The following COL4A5 variants were observed in gnomAD, a reference collection of about 807,000 sequenced individuals.
COL4A5 encodes collagen type IV alpha 5 chain.
Under a neutral mutation model 130.2 loss-of-function variants are expected in COL4A5, and 26 were observed. That is an observed-to-expected ratio of 0.20 (90% CI 0.15 to 0.28). The LOEUF (loss-of-function observed/expected upper bound fraction) is 0.28. Among genes scored for constraint, COL4A5 ranks in the 10% least tolerant of loss-of-function variants. The probability of loss-of-function intolerance (pLI) is 1.00; values close to 1 mark genes in which losing one functional copy is unlikely to be tolerated. For synonymous variants in COL4A5, 496 were observed against 439.6 expected (o/e 1.13, Z -1.60); for missense variants, 1,131 against 1,344.3 (o/e 0.84, Z 2.48).
chrX:108,458,591 G>A (rs766460798), intron 1 of COL4A5, among the ~76,000 whole-genome samples: 1 of 111,728 alleles, frequency 9.0e-6, no homozygotes, highest in Non-Finnish European at 1.9e-5. Flanking sequence ...TTTTGAATGG[G>A]ATTGTATTTA....
chrX:108,540,083 A>C (rs1225452978), intron 2 of COL4A5, among the ~76,000 whole-genome samples: 1 of 111,806 alleles, frequency 8.9e-6, no homozygotes, highest in African/African-American at 3.3e-5. Flanking sequence ...TTTAAAAGTG[A>C]CTAAAAAATA....
At chrX:108,469,961 G>A (rs942189645) in intron 1 of COL4A5, among the ~76,000 whole-genome samples, 15 of 111,783 alleles carry the variant, frequency 1.3e-4, no homozygotes, top group African/African-American at 4.9e-4. Flanking sequence ...CAAAAGACTC[G>A]ATTTCACTCA....
intron 38 of COL4A5, among the ~76,000 whole-genome samples, chrX:108,665,817 G>A (rs1414907525): frequency 5.4e-5 from 6 of 112,132 alleles, no homozygotes; most frequent in African/African-American, 1.9e-4. Context: ...TTGGGAGGCC[G>A]AGGTGGGAGG....
At chrX:108,474,800 C>A (rs1023059451) in intron 1 of COL4A5, among the ~76,000 whole-genome samples, 3 of 111,142 alleles carry the variant, frequency 2.7e-5, no homozygotes, top group African/African-American at 9.8e-5. Context: ...AGTTCATTTT[C>A]TTTCTTCTTT....
At chrX:108,668,606 C>A in intron 41 of COL4A5, 102 bp downstream of exon 41, 1 of 611,168 alleles carries the variant, frequency 1.6e-6, no homozygotes, top group Non-Finnish European at 2.3e-6. Context: ...TTTTCCGGTG[C>A]ATTGGAGGAT....
At chrX:108,689,814 A>G in intron 49 of COL4A5, 3 of 754,155 alleles carry the variant, frequency 4.0e-6, no homozygotes, top group Non-Finnish European at 4.7e-6. Flanking sequence ...GAAAAGAAAA[A>G]CATACTGAGA....
intron 40 of COL4A5, among the ~76,000 whole-genome samples, chrX:108,667,800 C>T (rs1054204922): frequency 1.8e-5 from 2 of 109,750 alleles, no homozygotes; most frequent in African/African-American, 6.8e-5. Context: ...TTTAATGTGC[C>T]ACTGTTACAT....
At chrX:108,542,112 T>A (rs1400609601) in intron 2 of COL4A5, among the ~76,000 whole-genome samples, 1 of 112,312 alleles carries the variant, frequency 8.9e-6, no homozygotes, top group Non-Finnish European at 1.9e-5. Flanking sequence ...TTATTTAATT[T>A]TTTTTTATTG....
intron 4 of COL4A5, among the ~76,000 whole-genome samples, chrX:108,567,095 C>T (rs936896109): frequency 9.0e-6 from 1 of 111,275 alleles, no homozygotes; most frequent in Non-Finnish European, 1.9e-5. Context: ...TATAACTTAA[C>T]AAAATAAAAA....
At chrX:108,498,880 T>G (rs758859478) in intron 1 of COL4A5, among the ~76,000 whole-genome samples, 26 of 111,302 alleles carry the variant, frequency 2.3e-4, no homozygotes, top group Admixed American at 3.8e-4. Context: ...AATTTACTTG[T>G]TTAAATTTTA....
intron 1 of COL4A5, among the ~76,000 whole-genome samples, chrX:108,469,627 C>CT (rs1201059900): frequency 9.0e-6 from 1 of 111,310 alleles, no homozygotes; most frequent in African/African-American, 3.3e-5. Flanking sequence ...TTCAAGTTTT[C>CT]TTTTTGCTTT....
chrX:108,625,755 C>T lies in COL4A5; in HGVS notation c.3067C>T (p.Pro1023Ser), dbSNP rs760527672. The T allele has an allele frequency of 1.7e-6, 2 of 1,207,322 alleles. No homozygotes were observed. The highest frequency in any genetic ancestry group is 2.2e-6 in the Non-Finnish European group (2 of 892,816). Residue 1023 changes from proline (P) to serine (S), a missense_variant, in exon 35 of 53, where the codon CCT becomes TCT. Coordinates refer to ENST00000328300, the MANE Select transcript of COL4A5 (RefSeq NM_033380.3). ...LPGQPGLIGP[P>S]GLKGTIGDMG... ...TGGACAGCCAGGTCTTATAGGACCT[C>T]CTGGACTTAAAGGAACCATCGGTGA...
chrX:108,457,720 C>T (rs181810969), intron 1 of COL4A5, among the ~76,000 whole-genome samples: 106 of 111,720 alleles, frequency 9.5e-4, no homozygotes, highest in African/African-American at 3.1e-3. Flanking sequence ...CCTCATATTG[C>T]TATGTAATTA....
At chrX:108,616,958 A>G (rs143872738) in intron 30 of COL4A5, among the ~76,000 whole-genome samples, 2,031 of 110,632 alleles carry the variant, frequency 0.018, 50 homozygotes, top group African/African-American at 0.064. Flanking sequence ...AACTTCATCT[A>G]TTTCTTTTGT....
chrX:108,464,678 G>T (rs750526525), intron 1 of COL4A5, among the ~76,000 whole-genome samples: 2 of 112,276 alleles, frequency 1.8e-5, no homozygotes, highest in African/African-American at 6.5e-5. Context: ...TCACCCAAAA[G>T]AAATTTAAAT....
chrX:108,546,260 C>T lies in COL4A5; in HGVS notation c.141+6455C>T, dbSNP rs762878878. 5.8e-3 allele frequency among the ~76,000 whole-genome samples: 646 copies of T among 111,986 alleles called. 17 individuals are homozygous for T. Among genetic ancestry groups the T allele is most frequent in the Admixed American group, 0.056 (590 of 10,546 alleles). Reference sequence around the variant, plus strand: ...AGTGGCTGGTACTGGTTGTTCCTTTCCATGTTTAGTGCTTCCTTCAGGAGC... The same window carrying T: ...AGTGGCTGGTACTGGTTGTTCCTTTTCATGTTTAGTGCTTCCTTCAGGAGC... On this transcript the variant is annotated intron_variant, in intron 2 of 52. Coordinates refer to ENST00000328300, the MANE Select transcript of COL4A5 (RefSeq NM_033380.3).
At chrX:108,586,842 T>A in intron 19 of COL4A5, 95 bp downstream of exon 19, 1 of 963,563 alleles carries the variant, frequency 1.0e-6, no homozygotes, top group Non-Finnish European at 1.5e-6. Flanking sequence ...AGCATGGAAG[T>A]AGGAGACACA....
chrX:108,639,305 T>G (rs2067414382), intron 36 of COL4A5, among the ~76,000 whole-genome samples: 1 of 111,051 alleles, frequency 9.0e-6, no homozygotes, highest in East Asian at 2.8e-4. Flanking sequence ...AACAAATGCA[T>G]GCTGGGTAAA....
At chrX:108,499,882 A>G (rs775533155) in intron 1 of COL4A5, among the ~76,000 whole-genome samples, 1 of 111,813 alleles carries the variant, frequency 8.9e-6, no homozygotes, top group Non-Finnish European at 1.9e-5. Flanking sequence ...CATACATAGT[A>G]TACATACATA....
Sources: gnomAD v4.1 joint callset for allele counts (sites outside exome capture counted in the v4.1 genomes callset) on GRCh38, gnomAD v4.1.1 for gene constraint, MANE v1.5 for transcripts, NCBI Gene and HGNC (gene_info 2026-07-23, HGNC 2026-07-21) for gene names.